Variants in WFDC9 observed in about 807,000 individuals in gnomAD.
The protein encoded by WFDC9 is WAP four-disulfide core domain 9.
WFDC9 carries 9 observed loss-of-function variants against 9.5 expected under a neutral mutation model. The observed-to-expected ratio is 0.95, with a 90% CI of 0.57 to 1.65. The LOEUF (loss-of-function observed/expected upper bound fraction) is 1.65, where lower values mean the gene tolerates loss of function less well. Ranked by LOEUF, WFDC9 falls within the 40% of genes most tolerant of loss-of-function variation. WFDC9 has a pLI of 0.00. For synonymous variants in WFDC9, 33 were observed against 32.3 expected (o/e 1.02, Z -0.07); for missense variants, 87 against 106.7 (o/e 0.82, Z 0.81).
intron 1 of WFDC9, chr20:45,629,758 G>A (rs1982309757): frequency 1.1e-5 from 18 of 1,584,450 alleles, no homozygotes; most frequent in Middle Eastern, 3.3e-4. Flanking sequence ...AGACAGCTCT[G>A]CAGGGAAGTC....
At chr20:45,618,563 T>C (rs2145598623) in intron 1 of WFDC9, among the ~76,000 whole-genome samples, 1 of 152,206 alleles carries the variant, frequency 6.6e-6, no homozygotes, top group African/African-American at 2.4e-5. Flanking sequence ...TGTTGCGGGG[T>C]TATTAATTGG....
At chr20:45,630,840 GT>G in intron 1 of WFDC9, 1 of 1,556,044 alleles carries the variant, frequency 6.4e-7, no homozygotes, top group Non-Finnish European at 8.7e-7. Context: ...AGGAAACTGC[GT>G]TTATTTACCG....
At chr20:45,617,894 G>A (rs552528802) in intron 1 of WFDC9, among the ~76,000 whole-genome samples, 5 of 151,728 alleles carry the variant, frequency 3.3e-5, no homozygotes, top group Admixed American at 1.3e-4. Context: ...TTACCAGAAA[G>A]TAAGCTAGAG....
Position 45,625,807 on chromosome 20 carries a change from C to CTTTTTTT in WFDC9, c.-153+5389_-153+5395dup. Among the ~76,000 whole-genome samples, 72 of 46,410 alleles carry CTTTTTTT rather than the reference C, an allele frequency of 1.6e-3. 6 individuals are homozygous for CTTTTTTT. Among genetic ancestry groups the CTTTTTTT allele is most frequent in the East Asian group, 2.9e-3 (3 of 1,026 alleles). 30.4% of individuals were successfully genotyped at this position (46,410 alleles called of 152,430 possible). On this transcript the variant is annotated intron_variant, in intron 1 of 4. Transcript: ENST00000326000. ...TGGATTTATTTCTAGGTTCTCTATT[C>CTTTTTTT]TTTTTTTTTTTTTTTTTTTTTTTTT... is the stretch of plus-strand genomic sequence containing the variant.
chr20:45,631,012 C>A (rs879202547), intron 1 of WFDC9, 191 bp downstream of exon 1: 4 of 1,598,642 alleles, frequency 2.5e-6, no homozygotes, highest in South Asian at 2.3e-5. Flanking sequence ...GCATGAGCAT[C>A]CTGTGAGTGG....
intron 1 of WFDC9, among the ~76,000 whole-genome samples, chr20:45,616,193 G>T (rs187027850): frequency 1.0e-3 from 159 of 152,216 alleles, no homozygotes; most frequent in African/African-American, 3.6e-3. Flanking sequence ...TGTGCTGCTG[G>T]TTTATCTAAG....
chr20:45,619,010 T>A (rs1982033278), intron 1 of WFDC9, among the ~76,000 whole-genome samples: 1 of 152,186 alleles, frequency 6.6e-6, no homozygotes, highest in East Asian at 1.9e-4. Context: ...GAAGTATATG[T>A]CTGGACTCCA....
chr20:45,619,749 G>C (rs926210281), intron 1 of WFDC9, among the ~76,000 whole-genome samples: 1 of 152,192 alleles, frequency 6.6e-6, no homozygotes, highest in East Asian at 1.9e-4. Flanking sequence ...GCACAGCTGG[G>C]CGTGGTGGCT....
chr20:45,613,731 T>G (rs988257897), intron 2 of WFDC9, among the ~76,000 whole-genome samples: 1 of 152,234 alleles, frequency 6.6e-6, no homozygotes, highest in Non-Finnish European at 1.5e-5. Context: ...CCTAATCTCC[T>G]GCTCTTGCTA....
intron 2 of WFDC9, among the ~76,000 whole-genome samples, chr20:45,610,451 T>A (rs1373998391): frequency 2.0e-5 from 3 of 152,162 alleles, no homozygotes; most frequent in Non-Finnish European, 4.4e-5. Flanking sequence ...ATTTCTCCTG[T>A]CTGATTAAAA....
intron 1 of WFDC9, among the ~76,000 whole-genome samples, chr20:45,621,485 C>T (rs1178455165): frequency 1.3e-5 from 2 of 152,190 alleles, no homozygotes; most frequent in Non-Finnish European, 2.9e-5. Flanking sequence ...TCTTGGTTGG[C>T]ATCCATAAGC....
chr20:45,609,490 C>T (rs892826772), intron 3 of WFDC9, among the ~76,000 whole-genome samples: 4 of 152,048 alleles, frequency 2.6e-5, no homozygotes, highest in African/African-American at 9.7e-5. Flanking sequence ...TGTGAGACGC[C>T]GTGCCCAGCC....
intron 3 of WFDC9, among the ~76,000 whole-genome samples, chr20:45,609,240 G>C (rs1981800881): frequency 6.8e-6 from 1 of 146,694 alleles, no homozygotes; most frequent in Admixed American, 6.8e-5. Flanking sequence ...GTCTTGCCCT[G>C]TCGCCCAGGC....
At chr20:45,618,796 AT>A (rs1280411121) in intron 1 of WFDC9, among the ~76,000 whole-genome samples, 1 of 152,258 alleles carries the variant, frequency 6.6e-6, no homozygotes, top group East Asian at 1.9e-4. Context: ...AGTTTGAAAC[AT>A]TTTGAGAATT....
At position 45,619,807 on chromosome 20, in the gene WFDC9, C is replaced by T. The variant is rs551553716; in HGVS notation, c.-152-5086G>A. ...TGGGAGGCTGAAGCGGGTGGATTACCAGAGGTCAGGAGTTTGAGAACAGCC... is the reference window on the plus strand; with the variant it reads ...TGGGAGGCTGAAGCGGGTGGATTACTAGAGGTCAGGAGTTTGAGAACAGCC... On this transcript the variant is annotated intron_variant, in intron 1 of 4. Coordinates refer to ENST00000326000, the MANE Select transcript of WFDC9 (RefSeq NM_147198.4). Among the ~76,000 whole-genome samples the T allele has an allele frequency of 3.6e-3, 541 of 152,116 alleles. 2 individuals are homozygous for T. The highest frequency in any genetic ancestry group is 0.012 in the African/African-American group (508 of 41,484).
rs754071317 is a variant in WFDC9, at chr20:45,608,149, GA to G, written c.240-10del. ...TTGATTTAAGGGGCTCTCTAGAAGA[GA>G]AAAGTTAGTCAAAAGTCAAGAATCC... On this transcript the variant is annotated splice_polypyrimidine_tract_variant and intron_variant, in intron 4 of 4. Transcript: ENST00000326000. The G allele has an allele frequency of 2.5e-6, 4 of 1,610,150 alleles. No homozygotes were observed. The highest frequency in any genetic ancestry group is 3.4e-6 in the Non-Finnish European group (4 of 1,178,918).
chr20:45,628,167 A>G (rs984726107), intron 1 of WFDC9, among the ~76,000 whole-genome samples: 3 of 152,224 alleles, frequency 2.0e-5, no homozygotes, highest in African/African-American at 7.2e-5. Flanking sequence ...CCATCACATA[A>G]TAACTGAAAT....
intron 1 of WFDC9, among the ~76,000 whole-genome samples, chr20:45,616,022 T>C (rs1474781355): frequency 3.3e-5 from 5 of 152,154 alleles, no homozygotes; most frequent in Non-Finnish European, 7.3e-5. Context: ...TTGCTGAGGG[T>C]TGGGGTAGCT....
At position 45,610,095 on chromosome 20, in the gene WFDC9, A is replaced by ATCTTTGT; in HGVS notation, c.80_86dup (p.Asp29GlufsTer13). ...GTCCCTTTTCACACCACCCACAGGG[A>ATCTTTGT]TCTTTGTTCCAGAAGCTTCCCAGCA... On this transcript the variant is annotated frameshift_variant, in exon 3 of 5. Transcript: ENST00000326000. LOFTEE classifies it high-confidence loss of function. 1 of 1,614,000 alleles carries ATCTTTGT rather than the reference A, an allele frequency of 6.2e-7. No homozygotes were observed. Among genetic ancestry groups the ATCTTTGT allele is most frequent in the Non-Finnish European group, 8.5e-7 (1 of 1,179,928 alleles).
Sources: gnomAD v4.1 joint callset for allele counts (sites outside exome capture counted in the v4.1 genomes callset) on GRCh38, gnomAD v4.1.1 for gene constraint, MANE v1.5 for transcripts, NCBI Gene and HGNC (gene_info 2026-07-23, HGNC 2026-07-21) for gene names.